The following CKS2 variants were observed in gnomAD, a reference collection of about 807,000 sequenced individuals.
CKS2 encodes the protein CDC28 protein kinase regulatory subunit 2.
A neutral mutation model predicts 14.3 loss-of-function variants in CKS2; 4 were observed. The observed-to-expected ratio is 0.28, with a 90% CI of 0.14 to 0.64. The LOEUF is 0.64. Ranked by LOEUF, CKS2 falls within the 30% of genes least tolerant of loss-of-function variation. The probability of loss-of-function intolerance (pLI) is 0.83; values close to 1 mark genes in which losing one functional copy is unlikely to be tolerated. For missense variants in CKS2, 71 were observed against 94.3 expected (o/e 0.75, Z 1.02); for synonymous variants, 33 against 28.7 (o/e 1.15, Z -0.48).
At chr9:89,311,392 G>C (rs572744073) in intron 1 of CKS2, 41 bp downstream of exon 1, 5 of 1,564,328 alleles carry the variant, frequency 3.2e-6, no homozygotes, top group Admixed American at 3.7e-5. Flanking sequence ...TCCCTCAGCC[G>C]GGGCCCCCGC....
intron 1 of CKS2, among the ~76,000 whole-genome samples, chr9:89,314,372 T>C (rs1261273857): frequency 2.0e-5 from 3 of 152,226 alleles, no homozygotes; most frequent in Non-Finnish European, 4.4e-5. Context: ...GGTTTAACTT[T>C]GAAGGTTATT....
chr9:89,316,293 CTTAG>C (rs1388690543), intron 2 of CKS2, 76 bp from the exon 3 acceptor site: 2 of 905,676 alleles, frequency 2.2e-6, no homozygotes, highest in African/African-American at 1.7e-5. Flanking sequence ...TTTATTCTGG[CTTAG>C]TTGAGAATAC....
At chr9:89,315,990 C>T (rs1176804933) in intron 2 of CKS2, among the ~76,000 whole-genome samples, 1 of 152,140 alleles carries the variant, frequency 6.6e-6, no homozygotes. Context: ...GCATCGAAAA[C>T]TCTAAAAGGA....
At chr9:89,313,022 G>A (rs1381938819) in intron 1 of CKS2, among the ~76,000 whole-genome samples, 1 of 152,178 alleles carries the variant, frequency 6.6e-6, no homozygotes. Context: ...ATGTATAGAA[G>A]AAAGTTTACA....
At chr9:89,311,728 A>G (rs1824613303) in intron 1 of CKS2, among the ~76,000 whole-genome samples, 1 of 152,260 alleles carries the variant, frequency 6.6e-6, no homozygotes, top group East Asian at 1.9e-4. Flanking sequence ...TAGGCCGTTC[A>G]GTAGCTGGTC....
At chr9:89,315,411 G>A in intron 2 of CKS2, 114 bp downstream of exon 2, 1 of 949,610 alleles carries the variant, frequency 1.1e-6, no homozygotes. Flanking sequence ...TAACTGTTCT[G>A]ATAAGTTTTT....
intron 1 of CKS2, 82 bp downstream of exon 1, chr9:89,311,433 G>C (rs1016749489): frequency 9.1e-7 from 1 of 1,104,428 alleles, no homozygotes. Context: ...AGTAGGGTCG[G>C]GGGTGGGGGC....
At chr9:89,314,464 A>C (rs1262124405) in intron 1 of CKS2, among the ~76,000 whole-genome samples, 1 of 152,218 alleles carries the variant, frequency 6.6e-6, no homozygotes, top group African/African-American at 2.4e-5. Context: ...GGTTGCACAC[A>C]ATGTGTATGT....
intron 2 of CKS2, among the ~76,000 whole-genome samples, chr9:89,315,741 T>C (rs1408965310): frequency 6.6e-6 from 1 of 152,170 alleles, no homozygotes; most frequent in Non-Finnish European, 1.5e-5. Context: ...ACTGTGCTTA[T>C]GGGTACCTTA....
At chr9:89,314,562 A>G (rs1007290404) in intron 1 of CKS2, among the ~76,000 whole-genome samples, 2 of 152,240 alleles carry the variant, frequency 1.3e-5, no homozygotes, top group Non-Finnish European at 2.9e-5. Flanking sequence ...AGTAGCTACT[A>G]CAAAGCTAGT....
At chr9:89,313,815 C>G (rs1461498423) in intron 1 of CKS2, among the ~76,000 whole-genome samples, 4 of 152,200 alleles carry the variant, frequency 2.6e-5, no homozygotes, top group African/African-American at 4.8e-5. Flanking sequence ...TGGGTGATAA[C>G]TGGTAAGAAT....
chr9:89,312,715 A>T (rs1824642472), intron 1 of CKS2, among the ~76,000 whole-genome samples: 1 of 152,204 alleles, frequency 6.6e-6, no homozygotes. Context: ...TTATAGTAAT[A>T]ATAAACTATA....
At chr9:89,315,106 A>G (rs1564275539) in intron 1 of CKS2, 64 bp from the exon 2 acceptor site, 1 of 1,439,140 alleles carries the variant, frequency 6.9e-7, no homozygotes, top group Non-Finnish European at 9.4e-7. Flanking sequence ...TCCTTAAGGT[A>G]CATGTATAAA....
At chr9:89,315,443 G>C in intron 2 of CKS2, 146 bp downstream of exon 2, 1 of 510,910 alleles carries the variant, frequency 2.0e-6, no homozygotes, top group Non-Finnish European at 3.0e-6. Context: ...CTAATTTCTT[G>C]ACTCTGGAGA....
At chr9:89,313,337 C>G (rs1564274236) in intron 1 of CKS2, among the ~76,000 whole-genome samples, 1 of 152,182 alleles carries the variant, frequency 6.6e-6, no homozygotes, top group African/African-American at 2.4e-5. Flanking sequence ...CTTAATGTTT[C>G]TAAGGGCATA....
intron 1 of CKS2, among the ~76,000 whole-genome samples, chr9:89,312,546 T>C (rs1824639460): frequency 6.6e-6 from 1 of 152,316 alleles, no homozygotes; most frequent in Non-Finnish European, 1.5e-5. Context: ...GGGTGGTTTC[T>C]CTTTTTCTCC....
At position 89,311,222 on chromosome 9, in the gene CKS2, G is replaced by T. The variant is rs533019243; in HGVS notation, c.-71G>T. On this transcript the variant is annotated 5_prime_UTR_variant, in exon 1 of 3. Coordinates refer to ENST00000314355, the MANE Select transcript of CKS2 (RefSeq NM_001827.3). Reference sequence around the variant, plus strand: ...TAGTCTCCGGCGAGTTGTTGCCTGGGCTGGACGTGGTTTTGTCTGCTGCGC... The same window carrying T: ...TAGTCTCCGGCGAGTTGTTGCCTGGTCTGGACGTGGTTTTGTCTGCTGCGC... 2 of 1,304,112 alleles carry T rather than the reference G, an allele frequency of 1.5e-6. No individual in the cohort carries two copies. Among genetic ancestry groups the T allele is most frequent in the East Asian group, 2.4e-5 (1 of 41,108 alleles). The allele number at this position is 1,304,112 out of a possible 1,614,324, so 80.8% of individuals were successfully genotyped here. A position where few individuals can be genotyped will look rare whatever the true frequency, so the allele number is the denominator to read the frequency against.
In CKS2 at chr9:89,315,288, C is replaced by A; in HGVS notation, c.178C>A (p.His60Asn). Reference protein sequence around the residue: ...QSLGWVHYMIHEPEPHILLFR... With the variant: ...QSLGWVHYMINEPEPHILLFR... ...TCTAGGCTGGGTTCATTACATGATTCATGAGCCAGGTAAGCTATGCTATGT... is the reference window on the plus strand; with the variant it reads ...TCTAGGCTGGGTTCATTACATGATTAATGAGCCAGGTAAGCTATGCTATGT... Residue 60 changes from histidine to asparagine, a missense_variant, in exon 2 of 3, where the codon CAT becomes AAT. By Grantham distance (68) the His-to-Asn change is moderately conservative (BLOSUM62 1). Transcript: ENST00000314355. 1 of 1,596,100 alleles carries A rather than the reference C, an allele frequency of 6.3e-7. No homozygotes were observed. The highest frequency in any genetic ancestry group is 8.5e-7 in the Non-Finnish European group (1 of 1,170,102).
At chr9:89,311,664 G>A (rs1013787637) in intron 1 of CKS2, among the ~76,000 whole-genome samples, 2 of 152,360 alleles carry the variant, frequency 1.3e-5, no homozygotes, top group South Asian at 2.1e-4. Flanking sequence ...TGGGGTCCTC[G>A]GCGACGCGGA....
Sources: gnomAD v4.1 joint callset for allele counts (sites outside exome capture counted in the v4.1 genomes callset) on GRCh38, gnomAD v4.1.1 for gene constraint, MANE v1.5 for transcripts, NCBI Gene and HGNC (gene_info 2026-07-23, HGNC 2026-07-21) for gene names.